CHML: variants seen among roughly 807,000 people sequenced by gnomAD.
The protein encoded by CHML is CHM like Rab escort protein, also known as rab proteins geranylgeranyltransferase component A 2.
In CHML, 20 loss-of-function variants were observed where a neutral mutation model predicts 30.4. The observed-to-expected ratio is 0.66, with a 90% CI of 0.46 to 0.95. The LOEUF (loss-of-function observed/expected upper bound fraction) is 0.95, where lower values mean the gene tolerates loss of function less well. Ranked by LOEUF, CHML falls within the 40% of genes least tolerant of loss-of-function variation. The probability of loss-of-function intolerance (pLI) is 0.00; values close to 1 mark genes in which losing one functional copy is unlikely to be tolerated. For synonymous variants in CHML, 281 were observed against 275.0 expected, an observed-to-expected ratio of 1.02 and a Z score of -0.22; for missense variants, 795 against 768.5, an observed-to-expected ratio of 1.03 and a Z score of -0.41.
chr1:241,639,603 G>T (rs796967558), intron 1 of CHML, among the ~76,000 whole-genome samples: 43 of 151,940 alleles, frequency 2.8e-4, no homozygotes, highest in African/African-American at 1.0e-3. Flanking sequence ...GCGGGCCGGG[G>T]TTTGGGGTCA....
Position 241,633,646 on chromosome 1 carries a change from T to C in CHML, c.*150A>G, listed in dbSNP as rs1339271411. On this transcript the variant is annotated 3_prime_UTR_variant, in exon 2 of 2. Coordinates refer to ENST00000366553, the MANE Select transcript of CHML (RefSeq NM_001381853.1). The stretch of plus-strand genomic sequence containing the variant: ...TTGATAGGTTAACAAAGATATTCAA[T>C]GCTGAATGTCTGAGAGTTAAAGACA... 9 of 401,530 alleles carry C rather than the reference T, an allele frequency of 2.2e-5. No homozygotes were observed. The highest frequency in any genetic ancestry group is 3.1e-5 in the Non-Finnish European group (8 of 256,232). 24.9% of individuals were successfully genotyped at this position (401,530 alleles called of 1,614,324 possible).
rs1664849601 is a variant in CHML, at chr1:241,635,375, A to G, written c.392T>C (p.Phe131Ser). ...KNPSLGVSNT[F>S]TEVLDSALPE... ...TAATGCAGAATCCAGAACTTCAGTG[A>G]AGGTATTAGACACCCCCAAAGAAGG... Residue 131 changes from phenylalanine to serine, a missense_variant, in exon 2 of 2, where the codon TTC becomes TCC. By Grantham distance (155) the Phe-to-Ser change is radical. Coordinates refer to ENST00000366553, the MANE Select transcript of CHML (RefSeq NM_001381853.1). 6.2e-7 allele frequency: 1 copy of G among 1,613,948 alleles called. No homozygotes were observed. Among genetic ancestry groups the G allele is most frequent in the African/African-American group, 1.3e-5 (1 of 74,936 alleles).
At chr1:241,638,036 A>G (rs1469041766) in intron 1 of CHML, among the ~76,000 whole-genome samples, 4 of 152,192 alleles carry the variant, frequency 2.6e-5, no homozygotes, top group African/African-American at 9.7e-5. Flanking sequence ...AGGCAAAGAA[A>G]TCATCTTCGC....
Position 241,635,896 on chromosome 1 carries a change from T to A in CHML, c.-130A>T. The A allele has an allele frequency of 1.2e-6, 1 of 861,066 alleles. No homozygotes were observed. The highest frequency in any genetic ancestry group is 1.8e-6 in the Non-Finnish European group (1 of 560,450). 53.3% of individuals were successfully genotyped at this position (861,066 alleles called of 1,614,324 possible). A position where few individuals can be genotyped will look rare whatever the true frequency, so the allele number is the denominator to read the frequency against. ...ACTGAAGTTGCAGGTCCTAGCTGTT[T>A]AACGGTTACCCTTTTAAAATATTTT... On this transcript the variant is annotated 5_prime_UTR_variant, in exon 2 of 2. Coordinates refer to ENST00000366553, the MANE Select transcript of CHML (RefSeq NM_001381853.1).
chr1:241,635,453 G>A lies in CHML; in HGVS notation c.314C>T (p.Ala105Val), dbSNP rs758153443. 3.1e-6 allele frequency: 5 copies of A among 1,613,780 alleles called. No individual in the cohort carries two copies. The highest frequency in any genetic ancestry group is 1.6e-4 in the Middle Eastern group (1 of 6,062). ...TIQHTEAFCY[A>V]SQDMEDNVEE... ...AACGTTGTCCTCCATATCCTGACTG[G>A]CGTAGCAAAAAGCTTCTGTGTGTTG... The change falls in exon 2 of 2, where the codon GCC (alanine) becomes GTC (valine). Residue 105 changes from alanine to valine, a missense_variant. Coordinates refer to ENST00000366553, the MANE Select transcript of CHML (RefSeq NM_001381853.1).
At position 241,633,652 on chromosome 1, in the gene CHML, ATGTC is replaced by A. The variant is rs1664737944; in HGVS notation, c.*140_*143del. The A allele has an allele frequency of 1.2e-6, 1 of 812,994 alleles. No individual in the cohort carries two copies. The highest frequency in any genetic ancestry group is 1.7e-5 in the South Asian group (1 of 58,514). 50.4% of individuals were successfully genotyped at this position (812,994 alleles called of 1,614,324 possible). On this transcript the variant is annotated 3_prime_UTR_variant, in exon 2 of 2. Transcript: ENST00000366553. The stretch of plus-strand genomic sequence containing the variant: ...GGTTAACAAAGATATTCAATGCTGA[ATGTC>A]TGAGAGTTAAAGACAACATCTGCAT...
In CHML at chr1:241,634,279, A is replaced by G. The variant is rs777390084; in HGVS notation, c.1488T>C (p.Ser496=). 5 of 1,613,870 alleles carry G rather than the reference A, an allele frequency of 3.1e-6. No homozygotes were observed. The highest frequency in any genetic ancestry group is 4.2e-6 in the Non-Finnish European group (5 of 1,179,918). Residue 496 remains serine, a synonymous_variant, in exon 2 of 2, where the codon TCT becomes TCC. Coordinates refer to ENST00000366553, the MANE Select transcript of CHML (RefSeq NM_001381853.1). ...TGTCCTTCATGCATGTCATGGTTGA[A>G]GAACATAATTCTGTGACCCGTACAG... is the stretch of plus-strand genomic sequence containing the variant. ...ACAVRVTELC[S]STMTCMKDTY...
At chr1:241,639,840 A>G in intron 1 of CHML, 42 bp downstream of exon 1, 1 of 1,438,718 alleles carries the variant, frequency 7.0e-7, no homozygotes. Flanking sequence ...TGGGGAGTGG[A>G]AGTTTGCAGA....
In CHML at chr1:241,633,993, G is replaced by T. The variant is rs1402675360; in HGVS notation, c.1774C>A (p.Gln592Lys). The change falls in exon 2 of 2, where the codon CAA becomes AAA. Residue 592 changes from glutamine to lysine, a missense_variant. Gln to Lys is a moderately conservative substitution (Grantham distance 53). Coordinates refer to ENST00000366553, the MANE Select transcript of CHML (RefSeq NM_001381853.1). The part of the protein sequence containing the change: ...CGLGNEHAVK[Q>K]AETLFQEIFP... The stretch of plus-strand genomic sequence containing the variant: ...ATCTCCTGGAAAAGTGTTTCAGCTT[G>T]CTTGACAGCATGCTCATTTCCCAGG... 2.5e-6 allele frequency: 4 copies of T among 1,613,810 alleles called. No individual in the cohort carries two copies. In the Admixed American group the frequency reaches 6.7e-5, roughly 27 times the overall value.
rs1158542130 is a variant in CHML, at chr1:241,634,186, C to T, written c.1581G>A (p.Lys527=). The change falls in exon 2 of 2, where the codon AAG becomes AAA. Residue 527 remains lysine, a synonymous_variant. Transcript: ENST00000366553. The part of the protein sequence containing the change: ...TAREDLESVV[K]KLFTPYTETE... ...TTTCAGTATACGGAGTGAATAATTT[C>T]TTCACCACTGATTCTAAGTCTTCTC... is the stretch of plus-strand genomic sequence containing the variant. 6 of 1,613,958 alleles carry T rather than the reference C, an allele frequency of 3.7e-6. No individual in the cohort carries two copies. The highest frequency in any genetic ancestry group is 5.1e-6 in the Non-Finnish European group (6 of 1,179,892).
intron 1 of CHML, among the ~76,000 whole-genome samples, chr1:241,639,014 T>C (rs1232495402): frequency 6.6e-6 from 1 of 152,262 alleles, no homozygotes; most frequent in East Asian, 1.9e-4. Context: ...ATTTCCTTTC[T>C]ACGCTTCCTT....
In CHML at chr1:241,634,086, C is replaced by T. The variant is rs1484610102; in HGVS notation, c.1681G>A (p.Gly561Arg). 3.7e-6 allele frequency: 6 copies of T among 1,611,238 alleles called. No homozygotes were observed. Among genetic ancestry groups the T allele is most frequent in the Middle Eastern group, 1.6e-4 (1 of 6,062 alleles). ...CCATTATACGAGCTTCTGCTGATTC[C>T]CGAGGAATCTCTCATATTAAAATAA... is the stretch of plus-strand genomic sequence containing the variant. ...ALYFNMRDSS[G>R]ISRSSYNGLP... The change falls in exon 2 of 2, where the codon GGA becomes AGA. Residue 561 changes from glycine (G) to arginine (R), a missense_variant. Physicochemically the swap from Gly to Arg is moderately radical, Grantham distance 125. Transcript: ENST00000366553.
In CHML at chr1:241,635,838, C is replaced by A. The variant is rs1664877075; in HGVS notation, c.-72G>T. ...AGGTGTGATTATGCTGTAATAAAAT[C>A]TGTCCTTCTGATGTTCCAGTTATCC... On this transcript the variant is annotated 5_prime_UTR_variant, in exon 2 of 2. Transcript: ENST00000366553. 6.9e-7 allele frequency: 1 copy of A among 1,440,070 alleles called. No homozygotes were observed. The highest frequency in any genetic ancestry group is 1.4e-5 in the African/African-American group (1 of 70,330). 89.2% of individuals were successfully genotyped at this position (1,440,070 alleles called of 1,614,324 possible). A position where few individuals can be genotyped will look rare whatever the true frequency, so the allele number is the denominator to read the frequency against.
Position 241,635,788 on chromosome 1 carries a change from G to C in CHML, c.-22C>G, listed in dbSNP as rs764514223. 11 of 1,591,896 alleles carry C rather than the reference G, an allele frequency of 6.9e-6. No individual in the cohort carries two copies. In the East Asian group the frequency reaches 1.1e-4, roughly 16 times the overall value. On this transcript the variant is annotated 5_prime_UTR_variant, in exon 2 of 2. Coordinates refer to ENST00000366553, the MANE Select transcript of CHML (RefSeq NM_001381853.1). ...CCATTTTAGGAAGTAACAGCGTCTG[G>C]TGACAACTGCTGATGAAAGAAATGA...
chr1:241,635,449 A>G lies in CHML; in HGVS notation c.318T>C (p.Ser106=). 1.2e-6 allele frequency: 2 copies of G among 1,613,868 alleles called. No homozygotes were observed. Among genetic ancestry groups the G allele is most frequent in the Non-Finnish European group, 1.7e-6 (2 of 1,179,928 alleles). The change falls in exon 2 of 2, where the codon AGT becomes AGC. Residue 106 remains serine, a synonymous_variant. Coordinates refer to ENST00000366553, the MANE Select transcript of CHML (RefSeq NM_001381853.1). The stretch of plus-strand genomic sequence containing the variant: ...CTTCAACGTTGTCCTCCATATCCTG[A>G]CTGGCGTAGCAAAAAGCTTCTGTGT... ...IQHTEAFCYA[S]QDMEDNVEEI...
rs756547876 is a variant in CHML at position 241,635,103 on chromosome 1, T to C, written c.664A>G (p.Ile222Val). ...PIRNRITYSQ[I>V]VKEGRRFNID... ...TTAAACCTCCTGCCTTCTTTAACTA[T>C]TTGAGAGTAAGTAATCCTATTTCTA... The change falls in exon 2 of 2, where the codon ATA becomes GTA. Residue 222 changes from isoleucine (I) to valine (V), a missense_variant. Coordinates refer to ENST00000366553, the MANE Select transcript of CHML (RefSeq NM_001381853.1). 6 of 1,612,902 alleles carry C rather than the reference T, an allele frequency of 3.7e-6. No individual in the cohort carries two copies. The highest frequency in any genetic ancestry group is 5.1e-6 in the Non-Finnish European group (6 of 1,179,890).
chr1:241,634,041 C>A lies in CHML; in HGVS notation c.1726G>T (p.Val576Phe), dbSNP rs1664764279. ...AGGCCACAGTCAGGCCCAGAGCAGA[C>A]ATAAACATTGGAAGGCAAGCCATTA... ...SYNGLPSNVY[V>F]CSGPDCGLGN... The change falls in exon 2 of 2, where the codon GTC becomes TTC. Residue 576 changes from valine (V) to phenylalanine (F), a missense_variant. By Grantham distance (50) the Val-to-Phe change is conservative. Coordinates refer to ENST00000366553, the MANE Select transcript of CHML (RefSeq NM_001381853.1). 6.2e-7 allele frequency: 1 copy of A among 1,612,816 alleles called. No individual in the cohort carries two copies.
Position 241,629,519 on chromosome 1 carries a change from G to A in CHML, c.*4277C>T, listed in dbSNP as rs1350353062. On this transcript the variant is annotated 3_prime_UTR_variant, in exon 2 of 2. Transcript: ENST00000366553. Reference sequence around the variant, plus strand: ...ACAAACCCTTATGGATATGCATATAGTTTTACAAAAACTGAGTGCATCCAT... The same window carrying A: ...ACAAACCCTTATGGATATGCATATAATTTTACAAAAACTGAGTGCATCCAT... 6.6e-6 allele frequency: 1 copy of A among 152,040 alleles called. No individual in the cohort carries two copies. The highest frequency in any genetic ancestry group is 1.5e-5 in the Non-Finnish European group (1 of 67,956). The allele number at this position is 152,040 out of a possible 1,614,324, so 9.4% of individuals were successfully genotyped here.
Position 241,635,678 on chromosome 1 carries a change from C to T in CHML, c.89G>A (p.Ser30Asn), listed in dbSNP as rs1304075424. The T allele has an allele frequency of 1.2e-6, 2 of 1,614,074 alleles. No homozygotes were observed. The highest frequency in any genetic ancestry group is 1.7e-6 in the Non-Finnish European group (2 of 1,179,936). The change falls in exon 2 of 2, where the codon AGT (serine) becomes AAT (asparagine). Residue 30 changes from serine to asparagine, a missense_variant. By Grantham distance (46) the Ser-to-Asn change is conservative. Coordinates refer to ENST00000366553, the MANE Select transcript of CHML (RefSeq NM_001381853.1). ...ESILAAACSR[S>N]GQRVLHIDSR... ...ATCAATATGCAGAACCCTCTGACCACTTCTTGAACATGCAGCTGCAAGGAT... is the reference window on the plus strand; with the variant it reads ...ATCAATATGCAGAACCCTCTGACCATTTCTTGAACATGCAGCTGCAAGGAT...
Sources: allele counts gnomAD v4.1 joint callset (sites outside exome capture counted in the v4.1 genomes callset), GRCh38; gene constraint gnomAD v4.1.1; transcripts MANE v1.5; gene names NCBI Gene and HGNC (gene_info 2026-07-23, HGNC 2026-07-21).